The following NCAM2 variants were observed in gnomAD, a reference collection of about 807,000 sequenced individuals.
The protein encoded by NCAM2 is neural cell adhesion molecule 2, also known as N-CAM-2.
In NCAM2, 30 loss-of-function variants were observed where a neutral mutation model predicts 98.1. The observed-to-expected ratio is 0.31, with a 90% CI of 0.23 to 0.41. NCAM2 has a LOEUF of 0.41. Ranked by LOEUF, NCAM2 falls within the 10% of genes least tolerant of loss-of-function variation. NCAM2 has a pLI of 1.00. For synonymous variants in NCAM2, 368 were observed against 342.4 expected (o/e 1.07, Z -0.83); for missense variants, 867 against 1,005.8 (o/e 0.86, Z 1.87).
At chr21:21,516,664 T>A (rs1489063187) in intron 16 of NCAM2, among the ~76,000 whole-genome samples, 1 of 151,936 alleles carries the variant, frequency 6.6e-6, no homozygotes, top group Non-Finnish European at 1.5e-5. Context: ...ACCATCTGTA[T>A]TTTTTTTCCA....
At chr21:21,056,486 A>ATGTGTG (rs1403525434) in intron 1 of NCAM2, among the ~76,000 whole-genome samples, 3 of 57,506 alleles carry the variant, frequency 5.2e-5, no homozygotes, top group African/African-American at 1.3e-4. Context: ...TGACAGAGAT[A>ATGTGTG]TGTCTGTGTG....
intron 9 of NCAM2, among the ~76,000 whole-genome samples, chr21:21,409,704 C>T (rs1459353493): frequency 6.6e-6 from 1 of 152,090 alleles, no homozygotes; most frequent in Non-Finnish European, 1.5e-5. Context: ...AACTCTGGTT[C>T]TCTTATATTT....
In NCAM2 at chr21:21,408,585, A is replaced by G. The variant is rs1404052572; in HGVS notation, c.1196-1689A>G. Reference sequence around the variant, plus strand: ...AGCACCAAAATGTTTCAAACCCTGAAAATTATAATTTTATTTCTGTATTTG... The same window carrying G: ...AGCACCAAAATGTTTCAAACCCTGAGAATTATAATTTTATTTCTGTATTTG... On this transcript the variant is annotated intron_variant, in intron 9 of 17. Transcript: ENST00000400546. 7.2e-5 allele frequency among the ~76,000 whole-genome samples: 11 copies of G among 152,056 alleles called. No homozygotes were observed. In the East Asian group the frequency reaches 1.2e-3, roughly 16 times the overall value.
chr21:21,414,473 G>GTGTT (rs2076947478), intron 10 of NCAM2, among the ~76,000 whole-genome samples: 1 of 137,452 alleles, frequency 7.3e-6, no homozygotes, highest in Non-Finnish European at 1.5e-5. Flanking sequence ...TTTGTTGTGT[G>GTGTT]TTTTTTTTTT....
intron 6 of NCAM2, among the ~76,000 whole-genome samples, chr21:21,331,558 ACTC>A (rs57118159): frequency 4.5e-4 from 1 of 2,240 alleles, no homozygotes; most frequent in African/African-American, 1.6e-3. Flanking sequence ...ATATATATAT[ACTC>A]TATATACATA....
At chr21:21,266,822 C>T (rs1003657845) in intron 1 of NCAM2, among the ~76,000 whole-genome samples, 2 of 151,956 alleles carry the variant, frequency 1.3e-5, no homozygotes, top group East Asian at 1.9e-4. Flanking sequence ...TATACATATG[C>T]AACAAACCTG....
At chr21:21,500,567 A>G (rs1198564359) in intron 15 of NCAM2, among the ~76,000 whole-genome samples, 3 of 152,114 alleles carry the variant, frequency 2.0e-5, no homozygotes, top group Non-Finnish European at 4.4e-5. Flanking sequence ...ATTACAACAC[A>G]TGCAAATGCG....
intron 1 of NCAM2, among the ~76,000 whole-genome samples, chr21:21,125,380 A>AATATTTTACATATATATGTAATATATG (rs2066770214): frequency 7.8e-6 from 1 of 127,932 alleles, no homozygotes; most frequent in African/African-American, 2.6e-5. Context: ...TGTAATATAT[A>AATATTTTACATATATATGTAATATATG]ATATTTTACA....
At position 21,542,523 on chromosome 21, in the gene NCAM2, T is replaced by C. The variant is rs892136895; in HGVS notation, c.*4566T>C. On this transcript the variant is annotated 3_prime_UTR_variant, in exon 18 of 18. Transcript: ENST00000400546. ...ATGTAAATTTAAATATTGCTACTTA[T>C]TTTTTTTCTTTTCTGAAATGAAAAC... The C allele has an allele frequency of 6.6e-6, 1 of 151,728 alleles. No individual in the cohort carries two copies. Among genetic ancestry groups the C allele is most frequent in the African/African-American group, 2.4e-5 (1 of 41,364 alleles). 9.4% of individuals were successfully genotyped at this position (151,728 alleles called of 1,614,324 possible).
At chr21:21,015,594 CA>C (rs1362749698) in intron 1 of NCAM2, among the ~76,000 whole-genome samples, 4 of 151,578 alleles carry the variant, frequency 2.6e-5, no homozygotes, top group Non-Finnish European at 5.9e-5. Flanking sequence ...CCTGGAAAAC[CA>C]AAAAAAATTG....
At chr21:21,444,713 T>G (rs1979829931) in intron 12 of NCAM2, among the ~76,000 whole-genome samples, 1 of 152,150 alleles carries the variant, frequency 6.6e-6, no homozygotes, top group Admixed American at 6.5e-5. Flanking sequence ...GTCTACTTGA[T>G]TCTTCTCTCT....
intron 6 of NCAM2, among the ~76,000 whole-genome samples, chr21:21,333,751 C>T (rs140150917): frequency 0.024 from 3,608 of 151,898 alleles, 79 homozygotes; most frequent in Non-Finnish European, 0.037. Context: ...AAACCTCTAC[C>T]GTGCTATTAT....
intron 1 of NCAM2, among the ~76,000 whole-genome samples, chr21:21,268,861 T>C (rs890210489): frequency 1.3e-5 from 2 of 152,166 alleles, no homozygotes; most frequent in African/African-American, 4.8e-5. Flanking sequence ...AGATCGAAAG[T>C]TGATTCAGGC....
chr21:21,398,763 G>A (rs1399668262), intron 9 of NCAM2, among the ~76,000 whole-genome samples: 1 of 152,200 alleles, frequency 6.6e-6, no homozygotes, highest in African/African-American at 2.4e-5. Context: ...TAAATATTGA[G>A]AGACATGAAT....
At chr21:21,258,423 G>GA (rs1042163416) in intron 1 of NCAM2, among the ~76,000 whole-genome samples, 2 of 152,010 alleles carry the variant, frequency 1.3e-5, no homozygotes, top group African/African-American at 2.4e-5. Context: ...TAGGTGGGGT[G>GA]AAAAAAACAA....
rs1171242172 is a variant in NCAM2 at position 21,541,933 on chromosome 21, T to C, written c.*3976T>C. ...TTTGTTAGCATTATTTATTTATCTT[T>C]AGAGAGAAAATATTTGCATCTGTTT... On this transcript the variant is annotated 3_prime_UTR_variant, in exon 18 of 18. Transcript: ENST00000400546. 6.6e-6 allele frequency: 1 copy of C among 151,834 alleles called. No individual in the cohort carries two copies. Among genetic ancestry groups the C allele is most frequent in the Non-Finnish European group, 1.5e-5 (1 of 67,792 alleles). The allele number at this position is 151,834 out of a possible 1,614,324, so 9.4% of individuals were successfully genotyped here.
chr21:21,038,641 G>A (rs1316166801), intron 1 of NCAM2, among the ~76,000 whole-genome samples: 1 of 152,172 alleles, frequency 6.6e-6, no homozygotes, highest in Non-Finnish European at 1.5e-5. Flanking sequence ...AAGGTTATAA[G>A]CTTCCTAAGG....
At chr21:21,047,625 A>G (rs2065027800) in intron 1 of NCAM2, among the ~76,000 whole-genome samples, 1 of 152,220 alleles carries the variant, frequency 6.6e-6, no homozygotes, top group Non-Finnish European at 1.5e-5. Context: ...TAAAACTAAT[A>G]CACAAAGAGC....
At chr21:21,028,085 A>G (rs898342405) in intron 1 of NCAM2, among the ~76,000 whole-genome samples, 1 of 151,900 alleles carries the variant, frequency 6.6e-6, no homozygotes. Flanking sequence ...CTGGTCTGGA[A>G]CTCCCGACCT....
Sources: gnomAD v4.1 joint callset for allele counts (sites outside exome capture counted in the v4.1 genomes callset) on GRCh38, gnomAD v4.1.1 for gene constraint, MANE v1.5 for transcripts, NCBI Gene and HGNC (gene_info 2026-07-23, HGNC 2026-07-21) for gene names.